The following TTLL1 variants were observed in gnomAD, a reference collection of about 807,000 sequenced individuals.
TTLL1 encodes polyglutamylase complex subunit TTLL1.
A neutral mutation model predicts 47.8 loss-of-function variants in TTLL1; 33 were observed. The observed-to-expected ratio is 0.69, with a 90% confidence interval of 0.52 to 0.92. The LOEUF (loss-of-function observed/expected upper bound fraction) is 0.92, where lower values mean the gene tolerates loss of function less well. Among genes scored for constraint, TTLL1 ranks in the 40% least tolerant of loss-of-function variants. TTLL1 has a pLI of 0.00. For missense variants in TTLL1, 488 were observed against 547.5 expected (o/e 0.89, Z 1.08); for synonymous variants, 225 against 214.1 (o/e 1.05, Z -0.45).
At chr22:43,052,111 T>C (rs2076160) in intron 8 of TTLL1, 44,011 of 542,562 alleles carry the variant, frequency 0.081, 3,686 homozygotes, top group East Asian at 0.29. Context: ...GAAGCCGTAA[T>C]GGGCATCTCT....
intron 6 of TTLL1, 69 bp from the exon 7 acceptor site, chr22:43,063,990 T>G (rs1927562879): frequency 6.5e-7 from 1 of 1,542,062 alleles, no homozygotes; most frequent in East Asian, 2.3e-5. Context: ...CTTCATTCTC[T>G]AAAAAGAGCT....
intron 2 of TTLL1, among the ~76,000 whole-genome samples, chr22:43,079,191 A>G (rs1174080853): frequency 1.0e-4 from 7 of 68,830 alleles, no homozygotes; most frequent in Admixed American, 1.6e-4. Context: ...AGACACGGGG[A>G]CCACGGGAGC....
chr22:43,052,074 T>C (rs966463323), intron 8 of TTLL1, 187 bp from the exon 9 acceptor site: 3 of 603,070 alleles, frequency 5.0e-6, no homozygotes, highest in Non-Finnish European at 9.0e-6. Flanking sequence ...ATTGGGCACT[T>C]TCCTCAGCCT....
At chr22:43,065,068 C>G (rs981655137) in intron 5 of TTLL1, among the ~76,000 whole-genome samples, 8 of 151,840 alleles carry the variant, frequency 5.3e-5, no homozygotes, top group African/African-American at 1.7e-4. Context: ...TCGCTTGAAC[C>G]CGGGAGGCAG....
intron 1 of TTLL1, among the ~76,000 whole-genome samples, chr22:43,082,831 T>C (rs924085941): frequency 2.0e-5 from 3 of 150,718 alleles, no homozygotes; most frequent in African/African-American, 7.4e-5. Context: ...CTGGCCAACA[T>C]GGCGAAACCC....
At position 43,070,130 on chromosome 22, in the gene TTLL1, C is replaced by T. The variant is rs1465938899; in HGVS notation, c.114-286G>A. On this transcript the variant is annotated intron_variant, in intron 3 of 10. Coordinates refer to ENST00000266254, the MANE Select transcript of TTLL1 (RefSeq NM_012263.5). The stretch of plus-strand genomic sequence containing the variant: ...ATAGATGTTTATTGATTAGTGATAA[C>T]ACGGATTAATGATAACACTGTCAAC... 9 of 1,408,064 alleles carry T rather than the reference C, an allele frequency of 6.4e-6. No individual in the cohort carries two copies. The South Asian group carries it at 8.7e-5, about 14-fold the overall frequency. The allele number at this position is 1,408,064 out of a possible 1,614,324, so 87.2% of individuals were successfully genotyped here.
intron 8 of TTLL1, among the ~76,000 whole-genome samples, chr22:43,052,761 CA>C (rs375509370): frequency 6.8e-6 from 1 of 146,126 alleles, no homozygotes; most frequent in Non-Finnish European, 1.5e-5. Context: ...AGCAAACAAA[CA>C]AAAAAAAGAA....
chr22:43,046,880 A>T (rs1926182744), intron 9 of TTLL1, among the ~76,000 whole-genome samples: 1 of 152,094 alleles, frequency 6.6e-6, no homozygotes, highest in Non-Finnish European at 1.5e-5. Flanking sequence ...CATATTGACC[A>T]GGCTGGTCTC....
intron 8 of TTLL1, among the ~76,000 whole-genome samples, chr22:43,054,553 T>C (rs1181281750): frequency 6.6e-6 from 1 of 151,098 alleles, no homozygotes; most frequent in Non-Finnish European, 1.5e-5. Flanking sequence ...GCCTCCCAAA[T>C]AGCTGGGATC....
chr22:43,081,684 A>T (rs975267606), intron 1 of TTLL1, among the ~76,000 whole-genome samples: 29 of 149,302 alleles, frequency 1.9e-4, no homozygotes, highest in Non-Finnish European at 3.0e-5. Context: ...AGTAGCTGGG[A>T]CTACAGGCGC....
At chr22:43,067,831 A>C (rs1354886546) in intron 5 of TTLL1, among the ~76,000 whole-genome samples, 1 of 151,630 alleles carries the variant, frequency 6.6e-6, no homozygotes, top group Non-Finnish European at 1.5e-5. Flanking sequence ...TTTAGACAGA[A>C]TCTCACTCTG....
At chr22:43,070,441 G>A (rs1928043535) in intron 3 of TTLL1, among the ~76,000 whole-genome samples, 1 of 152,218 alleles carries the variant, frequency 6.6e-6, no homozygotes, top group Admixed American at 6.5e-5. Flanking sequence ...AAGGGGTACG[G>A]AGGAAGGGCT....
At chr22:43,052,101 G>A (rs1601663817) in intron 8 of TTLL1, 1 of 567,618 alleles carries the variant, frequency 1.8e-6, no homozygotes, top group South Asian at 1.9e-5. Context: ...GGGAATTGAT[G>A]AAGCCGTAAT....
intron 1 of TTLL1, among the ~76,000 whole-genome samples, chr22:43,081,581 G>A (rs909439079): frequency 3.3e-5 from 5 of 151,700 alleles, no homozygotes; most frequent in South Asian, 2.1e-4. Context: ...ACAGAGTCTC[G>A]CTCAGTCGCC....
intron 2 of TTLL1, among the ~76,000 whole-genome samples, chr22:43,079,255 G>A (rs34665484): frequency 1.2e-3 from 48 of 40,594 alleles, no homozygotes; most frequent in Middle Eastern, 0.025. Context: ...AGACATGGGG[G>A]CCAAGGGAGC....
intron 3 of TTLL1, chr22:43,070,256 A>C (rs576453069): frequency 1.5e-5 from 19 of 1,286,954 alleles, no homozygotes; most frequent in East Asian, 5.6e-5. Flanking sequence ...TAAAAACAAA[A>C]TCACAGGGGT....
At chr22:43,063,377 C>A (rs975721855) in intron 7 of TTLL1, among the ~76,000 whole-genome samples, 2 of 152,084 alleles carry the variant, frequency 1.3e-5, no homozygotes, top group Non-Finnish European at 2.9e-5. Context: ...AGTGCCGGAC[C>A]TTAGACCAGG....
rs973151019 is a variant in TTLL1 at position 43,059,457 on chromosome 22, C to T, written c.818G>A (p.Arg273His). Residue 273 changes from arginine to histidine, a missense_variant, in exon 8 of 11, where the codon CGC (arginine) becomes CAC (histidine). Physicochemically the swap from Arg to His is conservative, Grantham distance 29 (BLOSUM62 0). Transcript: ENST00000266254. The part of the protein sequence containing the change: ...SNLRLYLEST[R>H]GKEVTSKLFD... ...CAGCTTGCTGGTCACCTCCTTGCCG[C>T]GGGTGCTCTCCAGGTAGAGCCGCAG... The T allele has an allele frequency of 1.1e-5, 18 of 1,613,944 alleles. No homozygotes were observed. The highest frequency in any genetic ancestry group is 8.0e-5 in the African/African-American group (6 of 74,914).
chr22:43,088,794 A>G (rs1019302346), intron 1 of TTLL1, among the ~76,000 whole-genome samples: 2 of 152,004 alleles, frequency 1.3e-5, no homozygotes, highest in Non-Finnish European at 2.9e-5. Flanking sequence ...TGCCCCAGCT[A>G]CTCTATGGAA....
Sources: allele counts gnomAD v4.1 joint callset (sites outside exome capture counted in the v4.1 genomes callset), GRCh38; gene constraint gnomAD v4.1.1; transcripts MANE v1.5; gene names NCBI Gene and HGNC (gene_info 2026-07-23, HGNC 2026-07-21).